The following STK32B variants were observed in gnomAD, a reference collection of about 807,000 sequenced individuals.
The protein encoded by STK32B is serine/threonine-protein kinase 32B.
Under a neutral mutation model 52.6 loss-of-function variants are expected in STK32B, and 43 were observed. The ratio of observed to expected loss-of-function variants is 0.82; its 90% confidence interval spans 0.64 to 1.05. The LOEUF (loss-of-function observed/expected upper bound fraction) is 1.05, where lower values mean the gene tolerates loss of function less well. Among genes scored for constraint, STK32B ranks in the 50% least tolerant of loss-of-function variants. The probability of loss-of-function intolerance (pLI) is 0.00; values close to 1 mark genes in which losing one functional copy is unlikely to be tolerated. For missense variants in STK32B, 621 were observed against 534.6 expected, an observed-to-expected ratio of 1.16 and a Z score of -1.59; for synonymous variants, 238 against 204.3, an observed-to-expected ratio of 1.17 and a Z score of -1.41.
chr4:5,499,261 G>T lies in STK32B; in HGVS notation c.*178G>T. The T allele has an allele frequency of 2.4e-6, 2 of 825,340 alleles. No individual in the cohort carries two copies. Among genetic ancestry groups the T allele is most frequent in the South Asian group, 6.2e-5 (2 of 32,516 alleles). 51.1% of individuals were successfully genotyped at this position (825,340 alleles called of 1,614,324 possible). Reference sequence around the variant, plus strand: ...TCCCATCTCCATGACTGATTCACGTGTGACCTCAGACAAGTCACGCCCTCT... The same window carrying T: ...TCCCATCTCCATGACTGATTCACGTTTGACCTCAGACAAGTCACGCCCTCT... On this transcript the variant is annotated 3_prime_UTR_variant, in exon 12 of 12. Coordinates refer to ENST00000282908, the MANE Select transcript of STK32B (RefSeq NM_018401.3).
At chr4:5,276,527 A>G (rs1374895449) in intron 3 of STK32B, among the ~76,000 whole-genome samples, 1 of 152,122 alleles carries the variant, frequency 6.6e-6, no homozygotes, top group Admixed American at 6.6e-5. Flanking sequence ...AGGAACTCAA[A>G]CAAAAGGGTA....
Position 5,296,636 on chromosome 4 carries a change from T to G in STK32B, c.261-34584T>G, listed in dbSNP as rs142044028. Among the ~76,000 whole-genome samples, 479 of 152,308 alleles carry G rather than the reference T, an allele frequency of 3.1e-3. 3 individuals carry two copies. The highest frequency in any genetic ancestry group is 0.011 in the African/African-American group (451 of 41,582). ...CTTGGTGAATATCCCTCCATCCCTT[T>G]TATTTTGAATCTATATGTGTCTTTG... On this transcript the variant is annotated intron_variant, in intron 3 of 11. Coordinates refer to ENST00000282908, the MANE Select transcript of STK32B (RefSeq NM_018401.3).
At chr4:5,311,902 T>TTA (rs34791295) in intron 3 of STK32B, among the ~76,000 whole-genome samples, 9,438 of 137,614 alleles carry the variant, frequency 0.069, 535 homozygotes, top group African/African-American at 0.18. Flanking sequence ...GTGCATACTT[T>TTA]TATATATATA....
Position 5,460,355 on chromosome 4 carries a change from T to C in STK32B, c.909+127T>C. ...CACTTCCACCTGAGCACCAAGGGCTTATGTCTTGCTGGAATTCAGGGTGAA... is the reference window on the plus strand; with the variant it reads ...CACTTCCACCTGAGCACCAAGGGCTCATGTCTTGCTGGAATTCAGGGTGAA... On this transcript the variant is annotated intron_variant, in intron 9 of 11. Transcript: ENST00000282908. This position sits in a 1 kb window ranked among gnomAD's most constrained non-coding sequence, Gnocchi z 4.8. 2.1e-6 allele frequency: 3 copies of C among 1,405,334 alleles called. No homozygotes were observed. The highest frequency in any genetic ancestry group is 1.9e-6 in the Non-Finnish European group (2 of 1,045,274). 87.1% of individuals were successfully genotyped at this position (1,405,334 alleles called of 1,614,324 possible).
chr4:5,314,105 A>T (rs936506469), intron 3 of STK32B, among the ~76,000 whole-genome samples: 1 of 141,372 alleles, frequency 7.1e-6, no homozygotes, highest in African/African-American at 3.1e-5. Flanking sequence ...AGGGTCTATA[A>T]TAGCTAAGCA....
chr4:5,413,626 C>T (rs1711900583), intron 5 of STK32B, among the ~76,000 whole-genome samples: 1 of 152,150 alleles, frequency 6.6e-6, no homozygotes, highest in Non-Finnish European at 1.5e-5. Flanking sequence ...TTCTTTATAG[C>T]AAAAGGCACT....
intron 6 of STK32B, among the ~76,000 whole-genome samples, chr4:5,438,239 G>A (rs1192585910): frequency 6.6e-6 from 1 of 152,242 alleles, no homozygotes; most frequent in East Asian, 1.9e-4. Context: ...TGCAGGGAAG[G>A]AAGTCCCTGT....
chr4:5,457,700 T>C (rs1716672471), intron 8 of STK32B, among the ~76,000 whole-genome samples: 1 of 151,220 alleles, frequency 6.6e-6, no homozygotes, highest in South Asian at 2.1e-4. Context: ...AAACCCCGTC[T>C]CTCTAAAAAT....
intron 3 of STK32B, among the ~76,000 whole-genome samples, chr4:5,274,788 C>G (rs1165995918): frequency 6.6e-6 from 1 of 152,124 alleles, no homozygotes; most frequent in Non-Finnish European, 1.5e-5. Context: ...GCTGAGCTTT[C>G]CATCGCCGTC....
At chr4:5,188,208 G>A (rs796988455) in intron 3 of STK32B, among the ~76,000 whole-genome samples, 16 of 152,286 alleles carry the variant, frequency 1.1e-4, no homozygotes, top group African/African-American at 3.4e-4. Flanking sequence ...ATTGCTAGTG[G>A]GAGGTGGCGG....
At chr4:5,402,779 C>G (rs115508407) in intron 5 of STK32B, among the ~76,000 whole-genome samples, 1 of 152,160 alleles carries the variant, frequency 6.6e-6, no homozygotes, top group African/African-American at 2.4e-5. Flanking sequence ...GATGATGACC[C>G]GTTGGGGTCA....
chr4:5,058,507 C>T lies in STK32B; in HGVS notation c.52+6592C>T, dbSNP rs1196435505. ...ATCAGAGATCACACTCACTGCTAGC[C>T]AGCCTGCACTGAGACATGGCATGAG... On this transcript the variant is annotated intron_variant, in intron 1 of 11. Transcript: ENST00000282908. The surrounding 1 kb of genome is among the most constrained non-coding windows in gnomAD (Gnocchi z 4.8). Among the ~76,000 whole-genome samples the T allele has an allele frequency of 6.6e-6, 1 of 152,180 alleles. No individual in the cohort carries two copies. The highest frequency in any genetic ancestry group is 1.5e-5 in the Non-Finnish European group (1 of 68,024).
chr4:5,463,087 C>G (rs569285296), intron 9 of STK32B, among the ~76,000 whole-genome samples: 5 of 152,232 alleles, frequency 3.3e-5, no homozygotes, highest in African/African-American at 1.2e-4. Flanking sequence ...GAGTAGAGCC[C>G]GGAGGCTTCC....
At chr4:5,061,603 T>C (rs1164238684) in intron 1 of STK32B, among the ~76,000 whole-genome samples, 1 of 152,206 alleles carries the variant, frequency 6.6e-6, no homozygotes, top group Non-Finnish European at 1.5e-5. Context: ...CCTAGAAAGA[T>C]TTTCCTTCTG....
intron 3 of STK32B, among the ~76,000 whole-genome samples, chr4:5,292,400 T>A (rs944133979): frequency 6.6e-6 from 1 of 152,110 alleles, no homozygotes. Context: ...ATTAGTGACA[T>A]TGAGCAGTTT....
At chr4:5,482,887 A>G (rs941681860) in intron 11 of STK32B, among the ~76,000 whole-genome samples, 4 of 152,184 alleles carry the variant, frequency 2.6e-5, no homozygotes, top group Admixed American at 2.6e-4. Flanking sequence ...GCTGGATTAC[A>G]TTTATTGATT....
intron 1 of STK32B, among the ~76,000 whole-genome samples, chr4:5,105,627 G>C (rs1481755802): frequency 6.6e-6 from 1 of 151,880 alleles, no homozygotes; most frequent in East Asian, 2.0e-4. Context: ...GTAGTGGCGG[G>C]ATCTTGGCTC....
chr4:5,163,284 C>T (rs1034687936), intron 2 of STK32B, among the ~76,000 whole-genome samples: 3 of 152,150 alleles, frequency 2.0e-5, no homozygotes, highest in Non-Finnish European at 2.9e-5. Context: ...CCTCTGTCTG[C>T]AGGGTGCTTG....
intron 1 of STK32B, among the ~76,000 whole-genome samples, chr4:5,111,554 G>A (rs1370562407): frequency 1.3e-5 from 2 of 152,112 alleles, no homozygotes; most frequent in Non-Finnish European, 2.9e-5. Flanking sequence ...ATAAGTGGGA[G>A]CTAAATGAAG....
Sources: gnomAD v4.1 joint callset for allele counts (sites outside exome capture counted in the v4.1 genomes callset) on GRCh38, gnomAD v4.1.1 for gene constraint, Gnocchi (gnomAD v3.1) non-coding constraint, MANE v1.5 for transcripts, NCBI Gene and HGNC (gene_info 2026-07-23, HGNC 2026-07-21) for gene names.